HTR4: variants seen among roughly 807,000 people sequenced by gnomAD.
The protein encoded by HTR4 is 5-hydroxytryptamine (serotonin) receptor 4, G protein-coupled.
In HTR4, 16 loss-of-function variants were observed where a neutral mutation model predicts 36.8. That is an observed-to-expected ratio of 0.43 (90% CI 0.29 to 0.66). The LOEUF (loss-of-function observed/expected upper bound fraction) is 0.66, where lower values mean the gene tolerates loss of function less well. HTR4 is among the 30% of genes least tolerant of loss of function. The pLI, the probability that HTR4 is intolerant of heterozygous loss-of-function variation, is 0.13. For missense variants in HTR4, 438 were observed against 490.9 expected (o/e 0.89, Z 1.02); for synonymous variants, 189 against 185.1 (o/e 1.02, Z -0.17).
chr5:148,453,879 G>A (rs911171942), intron 5 of HTR4, among the ~76,000 whole-genome samples: 15 of 152,184 alleles, frequency 9.9e-5, no homozygotes, highest in Non-Finnish European at 4.4e-5. Context: ...ATCCAGGTGA[G>A]AGAAGACAGT....
intron 6 of HTR4, among the ~76,000 whole-genome samples, chr5:148,491,061 G>A (rs1483552111): frequency 2.0e-5 from 3 of 152,108 alleles, no homozygotes; most frequent in Non-Finnish European, 2.9e-5. Context: ...TTGCACCATG[G>A]ACTAAACACA....
intron 6 of HTR4, among the ~76,000 whole-genome samples, chr5:148,485,744 A>AGG (rs1397029449): frequency 6.6e-6 from 1 of 152,190 alleles, no homozygotes; most frequent in Non-Finnish European, 1.5e-5. Context: ...AGACAAAGAG[A>AGG]GGGGCCACAT....
chr5:148,532,527 G>C (rs548236158), intron 4 of HTR4, among the ~76,000 whole-genome samples: 75 of 152,318 alleles, frequency 4.9e-4, no homozygotes, highest in Middle Eastern at 3.4e-3. Context: ...GCAGAGGGAT[G>C]GGGAAAGGCT....
At chr5:148,615,620 T>C (rs995246098) in intron 2 of HTR4, among the ~76,000 whole-genome samples, 2 of 151,310 alleles carry the variant, frequency 1.3e-5, no homozygotes, top group South Asian at 2.1e-4. Flanking sequence ...GCATGGCACA[T>C]GTATACGTAT....
chr5:148,592,444 A>G (rs185267828), intron 2 of HTR4, among the ~76,000 whole-genome samples: 14 of 152,164 alleles, frequency 9.2e-5, no homozygotes, highest in African/African-American at 3.4e-4. Context: ...ACTAATAATT[A>G]TATCCTCTCA....
downstream of HTR4, chr5:148,481,379 T>C (rs77402370): frequency 6.4e-3 from 3,880 of 604,170 alleles, 128 homozygotes; most frequent in African/African-American, 0.064. Flanking sequence ...ATCTGCTTCA[T>C]TGATCAGGGA....
Position 148,483,131 on chromosome 5 carries a change from G to T in HTR4, c.*72C>A. 6.2e-7 allele frequency: 1 copy of T among 1,605,268 alleles called. No individual in the cohort carries two copies. Among genetic ancestry groups the T allele is most frequent in the South Asian group, 1.1e-5 (1 of 90,284 alleles). On this transcript the variant is annotated 3_prime_UTR_variant, in exon 7 of 7. Transcript: ENST00000377888. Reference sequence around the variant, plus strand: ...TGAAGAGAATACCGGGTGCAGTCGCGCACAAGCAGCAGCTTAGGACCTGGC... The same window carrying T: ...TGAAGAGAATACCGGGTGCAGTCGCTCACAAGCAGCAGCTTAGGACCTGGC...
intron 5 of HTR4, among the ~76,000 whole-genome samples, chr5:148,469,497 C>T (rs1391848720): frequency 1.3e-5 from 2 of 152,200 alleles, no homozygotes; most frequent in African/African-American, 4.8e-5. Flanking sequence ...AACATTTCCC[C>T]AGTCCAAAAG....
intron 2 of HTR4, among the ~76,000 whole-genome samples, chr5:148,565,035 A>C (rs893227770): frequency 4.0e-5 from 6 of 151,362 alleles, no homozygotes; most frequent in Non-Finnish European, 8.8e-5. Flanking sequence ...ACTTGAACCC[A>C]GGAGGCAGAG....
At chr5:148,614,135 C>T (rs1177909708) in intron 2 of HTR4, among the ~76,000 whole-genome samples, 3 of 152,090 alleles carry the variant, frequency 2.0e-5, no homozygotes. Context: ...CAATGCCATC[C>T]CCATCAAGCT....
At chr5:148,454,717 C>T (rs181924319) in intron 5 of HTR4, among the ~76,000 whole-genome samples, 5 of 152,178 alleles carry the variant, frequency 3.3e-5, no homozygotes, top group African/African-American at 4.8e-5. Flanking sequence ...ATCACAGTTG[C>T]TCTGCAGGCC....
chr5:148,617,387 A>T (rs1181154559), intron 2 of HTR4, among the ~76,000 whole-genome samples: 1 of 152,174 alleles, frequency 6.6e-6, no homozygotes, highest in Admixed American at 6.5e-5. Flanking sequence ...TAAATTACCC[A>T]ATCTCAGGTA....
chr5:148,559,913 CT>C (rs1247831417), intron 2 of HTR4, among the ~76,000 whole-genome samples: 8 of 152,140 alleles, frequency 5.3e-5, no homozygotes, highest in Non-Finnish European at 1.2e-4. Flanking sequence ...GTCTTTGAGA[CT>C]TTGCTAAATT....
intron 6 of HTR4, chr5:148,484,235 A>G (rs769200949): frequency 6.2e-7 from 1 of 1,605,016 alleles, no homozygotes; most frequent in Non-Finnish European, 8.5e-7. Flanking sequence ...ATGTTGAGCA[A>G]GATAAAACAG....
At chr5:148,613,908 C>T (rs1421701472) in intron 2 of HTR4, among the ~76,000 whole-genome samples, 13 of 151,968 alleles carry the variant, frequency 8.6e-5, no homozygotes, top group South Asian at 2.1e-4. Flanking sequence ...GAGAGCCAAA[C>T]CATGAGTGAA....
intron 2 of HTR4, among the ~76,000 whole-genome samples, chr5:148,571,647 C>T (rs1760682955): frequency 6.6e-6 from 1 of 151,932 alleles, no homozygotes; most frequent in South Asian, 2.1e-4. Context: ...CTTTCAAGAG[C>T]TAGGCTGTTT....
intron 2 of HTR4, among the ~76,000 whole-genome samples, chr5:148,618,993 T>C (rs533497817): frequency 2.6e-5 from 4 of 152,108 alleles, no homozygotes; most frequent in African/African-American, 9.6e-5. Context: ...TATATTTTAG[T>C]GGAGATGATC....
intron 2 of HTR4, among the ~76,000 whole-genome samples, chr5:148,586,603 C>T (rs934188138): frequency 6.6e-6 from 1 of 152,112 alleles, no homozygotes; most frequent in Non-Finnish European, 1.5e-5. Context: ...GATCGCATCA[C>T]CTCCCATCAG....
intron 4 of HTR4, among the ~76,000 whole-genome samples, chr5:148,540,424 A>G (rs1233756127): frequency 1.5e-5 from 2 of 135,306 alleles, no homozygotes; most frequent in Non-Finnish European, 3.2e-5. Flanking sequence ...ATATATATAT[A>G]TATATATATA....
Sources: allele counts gnomAD v4.1 joint callset (sites outside exome capture counted in the v4.1 genomes callset), GRCh38; gene constraint gnomAD v4.1.1; transcripts MANE v1.5; gene names NCBI Gene and HGNC (gene_info 2026-07-23, HGNC 2026-07-21).